The following FARP2 variants were observed in gnomAD, a reference collection of about 807,000 sequenced individuals.
FARP2 encodes the protein FERM, ARH/RhoGEF and pleckstrin domain protein 2, also known as FERM, ARHGEF and pleckstrin domain-containing protein 2.
Under a neutral mutation model 130.5 loss-of-function variants are expected in FARP2, and 111 were observed. The observed-to-expected ratio is 0.85, with a 90% CI of 0.73 to 1.00. FARP2 has a LOEUF of 1.00. Among genes scored for constraint, FARP2 ranks in the 50% least tolerant of loss-of-function variants. The pLI is 0.00. For missense variants in FARP2, 1,385 were observed against 1,346.3 expected, an observed-to-expected ratio of 1.03 and a Z score of -0.45; for synonymous variants, 504 against 516.9, an observed-to-expected ratio of 0.98 and a Z score of 0.34.
Position 241,489,989 on chromosome 2 carries a change from G to C in FARP2, c.2449G>C (p.Val817Leu), listed in dbSNP as rs753311872. Reference sequence around the variant, plus strand: ...GGAAGAAAGTGATAACGAGTGGTCTGTTCCACACTGTTTCACCATCTACGC... The same window carrying C: ...GGAAGAAAGTGATAACGAGTGGTCTCTTCCACACTGTTTCACCATCTACGC... ...LVEESDNEWSVPHCFTIYAAQ... is the reference protein window; with the variant it reads ...LVEESDNEWSLPHCFTIYAAQ... Residue 817 changes from valine (V) to leucine (L), a missense_variant, in exon 22 of 27, where the codon GTT (valine) becomes CTT (leucine). Transcript: ENST00000264042. 2 of 1,613,920 alleles carry C rather than the reference G, an allele frequency of 1.2e-6. No individual in the cohort carries two copies. Among genetic ancestry groups the C allele is most frequent in the Non-Finnish European group, 1.7e-6 (2 of 1,179,796 alleles).
chr2:241,452,357 G>A (rs756693721), intron 13 of FARP2, among the ~76,000 whole-genome samples: 2 of 151,854 alleles, frequency 1.3e-5, no homozygotes, highest in Non-Finnish European at 1.5e-5. Flanking sequence ...ACAACTTCGT[G>A]TATAAATAAA....
intron 2 of FARP2, among the ~76,000 whole-genome samples, chr2:241,388,360 G>A (rs2061836224): frequency 6.6e-6 from 1 of 152,100 alleles, no homozygotes; most frequent in Non-Finnish European, 1.5e-5. Context: ...TGGTGCCTAG[G>A]CAAGTGAATA....
intron 18 of FARP2, among the ~76,000 whole-genome samples, chr2:241,469,462 A>G (rs897085298): frequency 1.3e-5 from 2 of 152,226 alleles, no homozygotes; most frequent in African/African-American, 4.8e-5. Context: ...CTGGTTTCCC[A>G]TAGCCATGAA....
chr2:241,363,832 T>C (rs2061244856), intron 1 of FARP2, among the ~76,000 whole-genome samples: 5 of 152,120 alleles, frequency 3.3e-5, no homozygotes, highest in African/African-American at 1.2e-4. Context: ...AGATCAAGAG[T>C]CTCTAAGAGT....
intron 19 of FARP2, among the ~76,000 whole-genome samples, chr2:241,480,349 C>T (rs534780166): frequency 1.3e-5 from 2 of 152,298 alleles, no homozygotes; most frequent in African/African-American, 4.8e-5. Context: ...AAATGTTTGG[C>T]TTAGACAATT....
At chr2:241,449,115 A>T (rs1288819484) in intron 13 of FARP2, among the ~76,000 whole-genome samples, 1 of 152,182 alleles carries the variant, frequency 6.6e-6, no homozygotes, top group African/African-American at 2.4e-5. Flanking sequence ...TCAGGTTCAC[A>T]TTTACTTGGA....
chr2:241,414,945 G>C (rs1398330440), intron 7 of FARP2, among the ~76,000 whole-genome samples: 1 of 152,208 alleles, frequency 6.6e-6, no homozygotes, highest in African/African-American at 2.4e-5. Context: ...TTGGGTTCAA[G>C]GGCTGGAGGT....
At chr2:241,464,516 A>AAGCAGGGTGTCCCCAG (rs57202294) in intron 17 of FARP2, among the ~76,000 whole-genome samples, 38,501 of 149,974 alleles carry the variant, frequency 0.26, 5,156 homozygotes, top group Middle Eastern at 0.39. Context: ...TTCCTACTCA[A>AAGCAGGGTGTCCCCAG]AGCAGGGTTT....
At chr2:241,396,431 C>A (rs1305953266) in intron 2 of FARP2, among the ~76,000 whole-genome samples, 2 of 152,038 alleles carry the variant, frequency 1.3e-5, no homozygotes, top group African/African-American at 4.8e-5. Context: ...TCACAACCTA[C>A]TCATCTGACA....
intron 17 of FARP2, among the ~76,000 whole-genome samples, chr2:241,464,654 GAATAAAGTTCCCTCAA>G (rs1341385615): frequency 2.0e-5 from 3 of 151,402 alleles, no homozygotes; most frequent in African/African-American, 7.3e-5. Context: ...GATTCCCTCA[GAATAAAGTTCCCTCAA>G]AACAGAGTCC....
chr2:241,385,730 A>AG (rs1313665537), intron 2 of FARP2, among the ~76,000 whole-genome samples: 1 of 152,070 alleles, frequency 6.6e-6, no homozygotes, highest in African/African-American at 2.4e-5. Context: ...AAAAAAAAAG[A>AG]GAAAAAAAAA....
chr2:241,487,861 C>T (rs1165390098), intron 21 of FARP2, among the ~76,000 whole-genome samples: 1 of 142,324 alleles, frequency 7.0e-6, no homozygotes, highest in African/African-American at 2.6e-5. Flanking sequence ...CATTCTCCTA[C>T]CTCAGCTTCC....
At chr2:241,425,296 A>G (rs1032538878) in intron 8 of FARP2, among the ~76,000 whole-genome samples, 1 of 152,222 alleles carries the variant, frequency 6.6e-6, no homozygotes, top group African/African-American at 2.4e-5. Context: ...CGAAAATGCC[A>G]AAAGCAATTG....
chr2:241,442,326 G>A (rs1260160318), intron 13 of FARP2: 2 of 456,610 alleles, frequency 4.4e-6, no homozygotes, highest in Non-Finnish European at 8.8e-6. Context: ...ACCAGTTAGA[G>A]CAGCTCAGCT....
chr2:241,478,724 G>C (rs2064538308), intron 19 of FARP2: 1 of 465,674 alleles, frequency 2.1e-6, no homozygotes, highest in African/African-American at 2.0e-5. Flanking sequence ...TAGAGAACAA[G>C]AGAGCAAAAC....
chr2:241,375,071 C>T (rs1490513205), intron 2 of FARP2, among the ~76,000 whole-genome samples: 1 of 152,112 alleles, frequency 6.6e-6, no homozygotes, highest in Non-Finnish European at 1.5e-5. Flanking sequence ...CTCAGCCTCC[C>T]GAGTAGCTGG....
rs2065015179 is a variant in FARP2, at chr2:241,493,619, G to GCGT, written c.3047+177_3047+179dup. ...TTTGTTTTTTTTTTTTTTGGAGATG[G>GCGT]CGTCTCCCTCTGTCACTCAGGCTGG... On this transcript the variant is annotated intron_variant, in intron 26 of 26. Coordinates refer to ENST00000264042, the MANE Select transcript of FARP2 (RefSeq NM_014808.4). 7 of 604,924 alleles carry GCGT rather than the reference G, an allele frequency of 1.2e-5. No homozygotes were observed. In the East Asian group the frequency reaches 2.0e-4, roughly 17 times the overall value. The allele number at this position is 604,924 out of a possible 1,614,324, so 37.5% of individuals were successfully genotyped here. A position where few individuals can be genotyped will look rare whatever the true frequency, so the allele number is the denominator to read the frequency against.
intron 18 of FARP2, chr2:241,471,467 G>A (rs1364912184): frequency 2.0e-5 from 3 of 151,620 alleles, no homozygotes; most frequent in Non-Finnish European, 4.4e-5. Flanking sequence ...CCTGTTCTGA[G>A]GGGGTTGCTC....
chr2:241,402,420 T>C (rs1478818842), intron 2 of FARP2, among the ~76,000 whole-genome samples: 1 of 152,202 alleles, frequency 6.6e-6, no homozygotes, highest in Non-Finnish European at 1.5e-5. Context: ...CATCTTCATC[T>C]AATAAGAGCA....
Sources: gnomAD v4.1 joint callset for allele counts (sites outside exome capture counted in the v4.1 genomes callset) on GRCh38, gnomAD v4.1.1 for gene constraint, MANE v1.5 for transcripts, NCBI Gene and HGNC (gene_info 2026-07-23, HGNC 2026-07-21) for gene names.